Variants in RBFOX1 observed in about 807,000 individuals in gnomAD.
The protein encoded by RBFOX1 is RNA binding protein fox-1 homolog 1.
In RBFOX1, 8 loss-of-function variants were observed where a neutral mutation model predicts 57.7. The ratio of observed to expected loss-of-function variants is 0.14; its 90% confidence interval spans 0.08 to 0.25. The LOEUF (loss-of-function observed/expected upper bound fraction) is 0.25. Ranked by LOEUF, RBFOX1 falls within the 10% of genes least tolerant of loss-of-function variation. The probability of loss-of-function intolerance (pLI) is 1.00; values close to 1 mark genes in which losing one functional copy is unlikely to be tolerated. For missense variants in RBFOX1, 611 were observed against 548.5 expected (o/e 1.11, Z -1.14); for synonymous variants, 326 against 222.4 (o/e 1.47, Z -4.15).
At chr16:7,121,396 A>G (rs967901339) in intron 4 of RBFOX1, among the ~76,000 whole-genome samples, 5 of 152,174 alleles carry the variant, frequency 3.3e-5, no homozygotes, top group African/African-American at 4.8e-5. Flanking sequence ...AGGTGAAAAC[A>G]TAAATATCAA....
chr16:7,612,118 G>C (rs1474256482), intron 10 of RBFOX1, among the ~76,000 whole-genome samples: 1 of 151,868 alleles, frequency 6.6e-6, no homozygotes, highest in Non-Finnish European at 1.5e-5. Context: ...TCAGGGGATT[G>C]AGACCATCCT....
At chr16:6,885,563 G>C (rs1220123814) in intron 3 of RBFOX1, among the ~76,000 whole-genome samples, 2 of 151,174 alleles carry the variant, frequency 1.3e-5, no homozygotes, top group South Asian at 4.2e-4. Context: ...ATGGAGTCTT[G>C]CTCTGTCATC....
intron 5 of RBFOX1, among the ~76,000 whole-genome samples, chr16:7,518,694 GA>G (rs150887698): frequency 0.046 from 6,859 of 149,588 alleles, 207 homozygotes; most frequent in East Asian, 0.11. Context: ...CATTTTTTTG[GA>G]AAAAAAAAAT....
chr16:6,690,758 C>CTTTCT (rs1555695995), intron 3 of RBFOX1, among the ~76,000 whole-genome samples: 1 of 141,074 alleles, frequency 7.1e-6, no homozygotes, highest in African/African-American at 2.6e-5. Flanking sequence ...TTCTTTCTTT[C>CTTTCT]TTTTTTTTTT....
At chr16:7,391,097 A>G (rs1030222477) in intron 4 of RBFOX1, among the ~76,000 whole-genome samples, 1 of 152,058 alleles carries the variant, frequency 6.6e-6, no homozygotes, top group African/African-American at 2.4e-5. Context: ...CTTATCCTTA[A>G]CTGACCTTTT....
At chr16:6,983,478 A>T (rs1449904281) in intron 3 of RBFOX1, among the ~76,000 whole-genome samples, 1 of 150,798 alleles carries the variant, frequency 6.6e-6, no homozygotes, top group Non-Finnish European at 1.5e-5. Flanking sequence ...ATTATGGAAG[A>T]TGAAAAGGAA....
chr16:5,403,324 T>C (rs189104016), intron 1 of RBFOX1, among the ~76,000 whole-genome samples: 142 of 131,102 alleles, frequency 1.1e-3, no homozygotes, highest in South Asian at 8.1e-3. Context: ...CACTCCAGTC[T>C]GGGAAACAGA....
At chr16:5,340,873 G>C (rs1227860620) in intron 1 of RBFOX1, among the ~76,000 whole-genome samples, 1 of 152,168 alleles carries the variant, frequency 6.6e-6, no homozygotes, top group Non-Finnish European at 1.5e-5. Flanking sequence ...CAGTGATGAG[G>C]ACTCAGGAGA....
At chr16:6,483,633 C>G in intron 2 of RBFOX1, 1 of 1,418,798 alleles carries the variant, frequency 7.0e-7, no homozygotes, top group Non-Finnish European at 9.3e-7. Flanking sequence ...GACCAGGCAG[C>G]TTCTGCAGAG....
chr16:6,580,893 T>C (rs2097527948), intron 2 of RBFOX1, among the ~76,000 whole-genome samples: 2 of 137,370 alleles, frequency 1.5e-5, no homozygotes, highest in South Asian at 2.4e-4. Context: ...ACCCTGCATA[T>C]CTCATTTGGG....
intron 1 of RBFOX1, among the ~76,000 whole-genome samples, chr16:5,265,533 G>A (rs2062836456): frequency 6.6e-6 from 1 of 152,206 alleles, no homozygotes; most frequent in African/African-American, 2.4e-5. Flanking sequence ...AACATAATTA[G>A]ATTATATTTT....
intron 4 of RBFOX1, among the ~76,000 whole-genome samples, chr16:7,320,788 T>G (rs1258684962): frequency 6.6e-6 from 1 of 152,204 alleles, no homozygotes; most frequent in African/African-American, 2.4e-5. Context: ...CAAAGAATAT[T>G]TTAAGTATGT....
intron 4 of RBFOX1, among the ~76,000 whole-genome samples, chr16:7,184,013 G>T (rs528614124): frequency 6.6e-6 from 1 of 152,276 alleles, no homozygotes; most frequent in South Asian, 2.1e-4. Flanking sequence ...AATGATGAGG[G>T]GCGATGCAGA....
intron 3 of RBFOX1, among the ~76,000 whole-genome samples, chr16:5,718,720 G>A (rs987786853): frequency 2.6e-5 from 4 of 152,068 alleles, no homozygotes; most frequent in African/African-American, 9.7e-5. Context: ...CAGCCTGGCC[G>A]ACATGGTGGA....
At chr16:5,371,472 C>A (rs62017735) in intron 1 of RBFOX1, among the ~76,000 whole-genome samples, 4,371 of 152,298 alleles carry the variant, frequency 0.029, 91 homozygotes, top group Middle Eastern at 0.078. Flanking sequence ...TCTTGGACTT[C>A]CAGCCTCCAG....
chr16:6,814,370 C>G (rs1382001882), intron 3 of RBFOX1, among the ~76,000 whole-genome samples: 1 of 152,080 alleles, frequency 6.6e-6, no homozygotes, highest in South Asian at 2.1e-4. Context: ...CCATTTCTTT[C>G]TGACATTGTT....
In RBFOX1 at chr16:6,971,390, G is replaced by C. The variant is rs542548640; in HGVS notation, c.-15-80667G>C. On this transcript the variant is annotated intron_variant, in intron 3 of 15. Transcript: ENST00000550418. ...TCAGCCTAAAGTGGGGAGTGTGTTT[G>C]CTTGTTTGGGGAGCAGAAAGGGAAG... Among the ~76,000 whole-genome samples the C allele has an allele frequency of 4.6e-5, 7 of 152,136 alleles. No individual in the cohort carries two copies. In the South Asian group the frequency reaches 1.2e-3, roughly 27 times the overall value.
At chr16:7,206,926 C>G (rs577097844) in intron 4 of RBFOX1, among the ~76,000 whole-genome samples, 3 of 152,136 alleles carry the variant, frequency 2.0e-5, no homozygotes, top group African/African-American at 4.8e-5. Flanking sequence ...ACAGCATGGT[C>G]TGTTTCTGTT....
intron 1 of RBFOX1, among the ~76,000 whole-genome samples, chr16:6,293,314 C>T (rs10852676): frequency 6.6e-6 from 1 of 151,838 alleles, no homozygotes; most frequent in African/African-American, 2.4e-5. Flanking sequence ...AAGTATTATA[C>T]CAGACAGCCT....
Sources: allele counts gnomAD v4.1 joint callset (sites outside exome capture counted in the v4.1 genomes callset), GRCh38; gene constraint gnomAD v4.1.1; transcripts MANE v1.5; gene names NCBI Gene and HGNC (gene_info 2026-07-23, HGNC 2026-07-21).